The following SLC35F1 variants were observed in gnomAD, a reference collection of about 807,000 sequenced individuals.
The protein encoded by SLC35F1 is solute carrier family 35 member F1.
A neutral mutation model predicts 48.7 loss-of-function variants in SLC35F1; 14 were observed. That is an observed-to-expected ratio of 0.29 (90% CI 0.19 to 0.45). SLC35F1 has a LOEUF of 0.45. Among genes scored for constraint, SLC35F1 ranks in the 20% least tolerant of loss-of-function variants. SLC35F1 has a pLI of 1.00. For missense variants in SLC35F1, 404 were observed against 500.0 expected, an observed-to-expected ratio of 0.81 and a Z score of 1.83; for synonymous variants, 190 against 202.2, an observed-to-expected ratio of 0.94 and a Z score of 0.51.
chr6:118,254,684 T>C (rs1775620246), intron 3 of SLC35F1, among the ~76,000 whole-genome samples: 1 of 152,224 alleles, frequency 6.6e-6, no homozygotes, highest in African/African-American at 2.4e-5. Flanking sequence ...CATACTATTA[T>C]AATGTGGAGA....
At chr6:118,133,442 C>CA (rs1773746740) in intron 1 of SLC35F1, among the ~76,000 whole-genome samples, 2 of 152,130 alleles carry the variant, frequency 1.3e-5, no homozygotes, top group South Asian at 4.1e-4. Flanking sequence ...TAAATGACAA[C>CA]ATTTCTGGCT....
intron 1 of SLC35F1, among the ~76,000 whole-genome samples, chr6:117,949,632 G>A (rs892030509): frequency 3.9e-5 from 6 of 152,018 alleles, no homozygotes; most frequent in Admixed American, 2.6e-4. Flanking sequence ...TGTTTACTAT[G>A]ATCATTTTCA....
intron 1 of SLC35F1, among the ~76,000 whole-genome samples, chr6:118,145,779 G>A (rs1412060802): frequency 1.3e-5 from 2 of 151,998 alleles, no homozygotes; most frequent in African/African-American, 4.8e-5. Context: ...TGGGGGTGTG[G>A]GGAGGTTACA....
intron 1 of SLC35F1, among the ~76,000 whole-genome samples, chr6:118,057,523 A>T (rs1373099918): frequency 3.7e-5 from 5 of 135,712 alleles, no homozygotes; most frequent in Non-Finnish European, 8.0e-5. Context: ...GCATCTGAGG[A>T]AGTATAGTAA....
intron 3 of SLC35F1, among the ~76,000 whole-genome samples, chr6:118,257,348 A>G (rs919705095): frequency 5.9e-5 from 9 of 152,138 alleles, no homozygotes; most frequent in African/African-American, 2.2e-4. Flanking sequence ...TGCCTGCTCT[A>G]TGTCCCTTGC....
intron 1 of SLC35F1, among the ~76,000 whole-genome samples, chr6:117,994,723 C>T (rs992902059): frequency 1.3e-5 from 2 of 152,256 alleles, no homozygotes; most frequent in East Asian, 3.9e-4. Context: ...ATATTGTTGA[C>T]TGGTGGAATG....
intron 1 of SLC35F1, among the ~76,000 whole-genome samples, chr6:118,149,333 A>T (rs1006753877): frequency 2.6e-5 from 4 of 152,210 alleles, no homozygotes; most frequent in African/African-American, 9.7e-5. Flanking sequence ...CAGTAAATGA[A>T]CTAAAGAGAT....
At chr6:118,139,144 G>C (rs193298555) in intron 1 of SLC35F1, among the ~76,000 whole-genome samples, 1 of 152,050 alleles carries the variant, frequency 6.6e-6, no homozygotes, top group South Asian at 2.1e-4. Flanking sequence ...ACGGAGTCTC[G>C]CTCTAGTGCC....
At chr6:118,276,188 T>G (rs772065085) in intron 5 of SLC35F1, among the ~76,000 whole-genome samples, 1 of 152,202 alleles carries the variant, frequency 6.6e-6, no homozygotes, top group Non-Finnish European at 1.5e-5. Flanking sequence ...TTGCAATAAT[T>G]CTACAACTGG....
chr6:117,997,780 A>C (rs887485280), intron 1 of SLC35F1, among the ~76,000 whole-genome samples: 7 of 152,230 alleles, frequency 4.6e-5, no homozygotes, highest in Non-Finnish European at 7.3e-5. Flanking sequence ...GGAAGTACTA[A>C]ACATGGAAAG....
At chr6:118,005,784 C>T (rs1777165381) in intron 1 of SLC35F1, among the ~76,000 whole-genome samples, 3 of 152,116 alleles carry the variant, frequency 2.0e-5, no homozygotes, top group African/African-American at 2.4e-5. Flanking sequence ...TTACCTGACC[C>T]ACCGTCTGAT....
chr6:117,997,443 G>A (rs1777012093), intron 1 of SLC35F1, among the ~76,000 whole-genome samples: 1 of 151,800 alleles, frequency 6.6e-6, no homozygotes, highest in African/African-American at 2.4e-5. Flanking sequence ...GATACTCCTC[G>A]AGAAGAGCAA....
rs1049144790 is a variant in SLC35F1, at chr6:118,310,369, T to C, written c.1003-3659T>C. Among the ~76,000 whole-genome samples, 11 of 152,328 alleles carry C rather than the reference T, an allele frequency of 7.2e-5. No individual in the cohort carries two copies. The East Asian group carries it at 1.9e-3, about 27-fold the overall frequency. On this transcript the variant is annotated intron_variant, in intron 7 of 7. Transcript: ENST00000360388. Reference sequence around the variant, plus strand: ...TTAGTAAGTAGCCTAGATTGTACAATACTTTTGTCTGGTTGATTGGTTTTT... The same window carrying C: ...TTAGTAAGTAGCCTAGATTGTACAACACTTTTGTCTGGTTGATTGGTTTTT...
rs368581444 is a variant in SLC35F1, at chr6:118,113,369, G to A, written c.174-41076G>A. On this transcript the variant is annotated intron_variant, in intron 1 of 7. Transcript: ENST00000360388. ...CCCAAAGTGCTGGGATTACAGGTGCGAGACCTCACCTAGCCAACTTTGGGC... is the reference window on the plus strand; with the variant it reads ...CCCAAAGTGCTGGGATTACAGGTGCAAGACCTCACCTAGCCAACTTTGGGC... Among the ~76,000 whole-genome samples, 92 of 152,226 alleles carry A rather than the reference G, an allele frequency of 6.0e-4. 1 individual carries two copies. Among genetic ancestry groups the A allele is most frequent in the African/African-American group, 1.9e-3 (80 of 41,550 alleles).
chr6:117,954,508 C>T (rs1184607200), intron 1 of SLC35F1, among the ~76,000 whole-genome samples: 1 of 152,196 alleles, frequency 6.6e-6, no homozygotes, highest in Non-Finnish European at 1.5e-5. Context: ...AGCCACCTGT[C>T]TCCATCTCCC....
chr6:118,204,381 A>G (rs1582728219), intron 2 of SLC35F1, among the ~76,000 whole-genome samples: 2 of 152,216 alleles, frequency 1.3e-5, no homozygotes. Context: ...CGTAACTGCA[A>G]TGGGAAGCCT....
chr6:118,225,812 C>T (rs1212235744), intron 2 of SLC35F1, among the ~76,000 whole-genome samples: 2 of 148,580 alleles, frequency 1.3e-5, no homozygotes, highest in African/African-American at 5.0e-5. Context: ...GGAGGTGGAG[C>T]TTGCAGTGAG....
At chr6:117,946,177 AC>A (rs1776292651) in intron 1 of SLC35F1, among the ~76,000 whole-genome samples, 1 of 152,018 alleles carries the variant, frequency 6.6e-6, no homozygotes, top group Admixed American at 6.6e-5. Flanking sequence ...GTTTCCAGAT[AC>A]TTTTTTTTTG....
chr6:118,174,047 T>A (rs1774450816), intron 2 of SLC35F1, among the ~76,000 whole-genome samples: 1 of 152,152 alleles, frequency 6.6e-6, no homozygotes, highest in Non-Finnish European at 1.5e-5. Flanking sequence ...ATCCCAGTTA[T>A]CAGATGGACT....
Sources: gnomAD v4.1 joint callset for allele counts (sites outside exome capture counted in the v4.1 genomes callset) on GRCh38, gnomAD v4.1.1 for gene constraint, MANE v1.5 for transcripts, NCBI Gene and HGNC (gene_info 2026-07-23, HGNC 2026-07-21) for gene names.